NAV3: variants seen among roughly 807,000 people sequenced by gnomAD.
The protein encoded by NAV3 is pore membrane and/or filament interacting like protein 1.
A neutral mutation model predicts 244.7 loss-of-function variants in NAV3; 87 were observed. The ratio of observed to expected loss-of-function variants is 0.36; its 90% CI spans 0.30 to 0.42. The LOEUF is 0.42. NAV3 is among the 20% of genes least tolerant of loss of function. The pLI is 1.00. For synonymous variants in NAV3, 1,126 were observed against 1,042.2 expected (o/e 1.08, Z -1.55); for missense variants, 2,663 against 2,893.3 (o/e 0.92, Z 1.83).
intron 2 of NAV3, among the ~76,000 whole-genome samples, chr12:77,675,740 T>C (rs1433869827): frequency 6.6e-6 from 1 of 152,144 alleles, no homozygotes; most frequent in Non-Finnish European, 1.5e-5. Flanking sequence ...TGGTGTCCAG[T>C]TGTCAGTGGG....
At chr12:77,823,004 T>C (rs1232436780) in intron 2 of NAV3, among the ~76,000 whole-genome samples, 1 of 152,130 alleles carries the variant, frequency 6.6e-6, no homozygotes, top group Non-Finnish European at 1.5e-5. Context: ...AACAAAAGCA[T>C]ATAAAGCAAT....
intron 2 of NAV3, among the ~76,000 whole-genome samples, chr12:77,780,796 T>A (rs1452671307): frequency 6.6e-6 from 1 of 152,112 alleles, no homozygotes; most frequent in Admixed American, 6.5e-5. Context: ...TTTTCTTAAG[T>A]AAGTTCTCTA....
chr12:78,177,500 A>G (rs1320869955), intron 27 of NAV3, 120 bp from the exon 28 acceptor site: 2 of 1,155,962 alleles, frequency 1.7e-6, no homozygotes, highest in Admixed American at 2.8e-5. Flanking sequence ...TTTCTTTTTC[A>G]TTTTCATATG....
At chr12:77,953,841 A>G (rs931861874) in intron 3 of NAV3, among the ~76,000 whole-genome samples, 3 of 152,136 alleles carry the variant, frequency 2.0e-5, no homozygotes, top group Non-Finnish European at 4.4e-5. Context: ...GATTTCTACT[A>G]CTTTACTGAG....
chr12:78,044,977 G>A (rs1024373453), intron 9 of NAV3, among the ~76,000 whole-genome samples: 1 of 152,158 alleles, frequency 6.6e-6, no homozygotes, highest in Non-Finnish European at 1.5e-5. Flanking sequence ...TTGAATAGGA[G>A]TGGTGATGGA....
At chr12:77,732,212 C>T (rs1877154992) in intron 2 of NAV3, among the ~76,000 whole-genome samples, 1 of 151,836 alleles carries the variant, frequency 6.6e-6, no homozygotes, top group Non-Finnish European at 1.5e-5. Context: ...TGAAGTGGGG[C>T]TGTTTATCTG....
chr12:78,160,410 T>TGTGCGCGTGC (rs1555184882), intron 23 of NAV3, among the ~76,000 whole-genome samples: 1 of 127,842 alleles, frequency 7.8e-6, no homozygotes, highest in Non-Finnish European at 1.7e-5. Flanking sequence ...CGTGCGTGTG[T>TGTGCGCGTGC]GTGTGTGTGT....
At chr12:77,718,763 T>C (rs1183187932) in intron 2 of NAV3, among the ~76,000 whole-genome samples, 1 of 152,096 alleles carries the variant, frequency 6.6e-6, no homozygotes, top group African/African-American at 2.4e-5. Context: ...GTTCAAGTGA[T>C]TCTCCTGCCT....
chr12:77,790,154 G>C (rs951327630), intron 2 of NAV3, among the ~76,000 whole-genome samples: 1 of 152,146 alleles, frequency 6.6e-6, no homozygotes, highest in Non-Finnish European at 1.5e-5. Flanking sequence ...TGCCCCTACT[G>C]TCATTTCTAA....
At chr12:78,035,984 T>C (rs1879803676) in intron 9 of NAV3, among the ~76,000 whole-genome samples, 1 of 152,186 alleles carries the variant, frequency 6.6e-6, no homozygotes, top group Admixed American at 6.5e-5. Flanking sequence ...TGCCTGCAGC[T>C]ACAGAGAATT....
rs555983392 is a variant in NAV3, at chr12:78,177,268, G to T, written c.5252G>T (p.Gly1751Val). ...PASPKLPHNA[G>V]DCGSASMKPS... ...TCCCCCAAGTTACCCCATAATGCTGGTGACTGTGGCTCAGCATCCATGAAG... is the reference window on the plus strand; with the variant it reads ...TCCCCCAAGTTACCCCATAATGCTGTTGACTGTGGCTCAGCATCCATGAAG... Residue 1751 changes from glycine to valine, a missense_variant, in exon 27 of 40, where the codon GGT (glycine) becomes GTT (valine). Transcript: ENST00000397909. The T allele has an allele frequency of 6.2e-7, 1 of 1,613,486 alleles. No individual in the cohort carries two copies. The highest frequency in any genetic ancestry group is 1.3e-5 in the African/African-American group (1 of 74,974).
intron 2 of NAV3, among the ~76,000 whole-genome samples, chr12:77,739,244 A>G (rs1243812634): frequency 2.6e-5 from 4 of 152,142 alleles, no homozygotes; most frequent in Non-Finnish European, 4.4e-5. Context: ...TAGTATATAA[A>G]TGTCAGCTGT....
At chr12:77,759,321 G>A (rs1402325223) in intron 2 of NAV3, among the ~76,000 whole-genome samples, 5 of 152,132 alleles carry the variant, frequency 3.3e-5, no homozygotes, top group Non-Finnish European at 5.9e-5. Flanking sequence ...ACAAAAAGAT[G>A]TTAAAGGGAA....
intron 16 of NAV3, among the ~76,000 whole-genome samples, chr12:78,124,285 T>A (rs560604059): frequency 1.3e-5 from 2 of 152,360 alleles, no homozygotes; most frequent in African/African-American, 4.8e-5. Context: ...ATAACCAAAA[T>A]GCAGTTTTAA....
chr12:78,060,783 A>T (rs1884215005), intron 12 of NAV3, among the ~76,000 whole-genome samples: 1 of 152,200 alleles, frequency 6.6e-6, no homozygotes, highest in Non-Finnish European at 1.5e-5. Flanking sequence ...TGTGGGCCAC[A>T]TTTTGAAACT....
At chr12:77,741,502 C>T (rs1335730601) in intron 2 of NAV3, among the ~76,000 whole-genome samples, 8 of 152,064 alleles carry the variant, frequency 5.3e-5, no homozygotes, top group African/African-American at 1.9e-4. Flanking sequence ...TAGACCAGTT[C>T]ATTTAACTAG....
intron 1 of NAV3, among the ~76,000 whole-genome samples, chr12:77,888,117 G>A (rs1027884853): frequency 4.6e-5 from 7 of 151,560 alleles, no homozygotes; most frequent in Non-Finnish European, 8.8e-5. Flanking sequence ...TTTAACCATG[G>A]GTTTGCAAAA....
chr12:78,094,590 C>A (rs915083645), intron 12 of NAV3, among the ~76,000 whole-genome samples: 1 of 152,012 alleles, frequency 6.6e-6, no homozygotes, highest in Non-Finnish European at 1.5e-5. Context: ...TGTAAATATA[C>A]AATTATAAAT....
chr12:78,176,566 T>A (rs1958236510), intron 26 of NAV3, 107 bp downstream of exon 26: 1 of 988,298 alleles, frequency 1.0e-6, no homozygotes, highest in African/African-American at 1.7e-5. Context: ...TAAAACAGAT[T>A]ACCTTGTATG....
Sources: allele counts gnomAD v4.1 joint callset (sites outside exome capture counted in the v4.1 genomes callset), GRCh38; gene constraint gnomAD v4.1.1; transcripts MANE v1.5; gene names NCBI Gene and HGNC (gene_info 2026-07-23, HGNC 2026-07-21).